The following MS4A18 variants were observed in gnomAD, a reference collection of about 807,000 sequenced individuals.
The protein encoded by MS4A18 is membrane spanning 4-domains A18, also known as membrane-spanning 4-domains subfamily A member 18.
Under a neutral mutation model 13.1 loss-of-function variants are expected in MS4A18, and 27 were observed. That is an observed-to-expected ratio of 2.06 (90% CI 1.52 to 2.84). The LOEUF is 2.84. MS4A18 is among the 30% of genes most tolerant of loss of function. MS4A18 has a pLI of 0.00. For missense variants in MS4A18, 307 were observed against 196.4 expected (o/e 1.56, Z -3.37); for synonymous variants, 126 against 76.5 (o/e 1.65, Z -3.38).
At chr11:60,727,617 G>A (rs548799234), upstream of MS4A18, among the ~76,000 whole-genome samples, 4 of 152,286 alleles carry the variant, frequency 2.6e-5, no homozygotes, top group East Asian at 1.9e-4. Flanking sequence ...AGGACAGAAA[G>A]CCTCCTGAGA....
intron 5 of MS4A18, 41 bp from the exon 7 acceptor site, chr11:60,743,609 C>A: frequency 1.4e-6 from 1 of 690,648 alleles, no homozygotes; most frequent in Non-Finnish European, 2.6e-6. Context: ...TTGTTGTTTA[C>A]TACAGAGGAA....
chr11:60,743,596 T>C, intron 5 of MS4A18, 54 bp from the exon 7 acceptor site: 1 of 676,692 alleles, frequency 1.5e-6, no homozygotes, highest in Non-Finnish European at 2.7e-6. Context: ...ATTATGGCCA[T>C]TGTTGTTGTT....
chr11:60,741,182 C>G (rs1186201963), intron 5 of MS4A18, 39 bp downstream of exon 6: 3 of 702,944 alleles, frequency 4.3e-6, no homozygotes, highest in East Asian at 5.4e-5. Context: ...AGATCATGCT[C>G]TGGAGTTGGG....
Position 60,732,730 on chromosome 11 carries a change from CAAAAAAAAAAA to C in MS4A18, c.478-792_478-782del, listed in dbSNP as rs200295786. Among the ~76,000 whole-genome samples the C allele has an allele frequency of 3.9e-3, 275 of 71,012 alleles. 1 individual carries two copies. The highest frequency in any genetic ancestry group is 0.012 in the African/African-American group (267 of 22,012). The allele number at this position is 71,012 out of a possible 152,430, so 46.6% of individuals were successfully genotyped here. On this transcript the variant is annotated intron_variant, in intron 1 of 5. Transcript: ENST00000529108. ...TGGGCGACAGGGCAAGACTCCGTCT[CAAAAAAAAAAA>C]AAAAAAAAAAAGAAACACCTACTGC...
chr11:60,743,943 C>T (rs927604044), exon 6 of MS4A18: 10 of 702,970 alleles, frequency 1.4e-5, no homozygotes, highest in Non-Finnish European at 2.6e-5. Context: ...CCAGTTGTGT[C>T]AATGCTATCC....
At chr11:60,741,240 G>A in intron 5 of MS4A18, 97 bp downstream of exon 6, 2 of 695,958 alleles carry the variant, frequency 2.9e-6, no homozygotes, top group Admixed American at 4.0e-5. Context: ...AATGAGGCCT[G>A]AGAGAGGGTG....
At chr11:60,735,185 T>C (rs760451189) in intron 2 of MS4A18, among the ~76,000 whole-genome samples, 136 of 152,306 alleles carry the variant, frequency 8.9e-4, no homozygotes, top group Non-Finnish European at 1.5e-3. Context: ...AAATAGTAAA[T>C]TAAATTAAAG....
rs768562339 is a variant in MS4A18 at position 60,743,838 on chromosome 11, C to G, written c.1047C>G (p.Val349=). The G allele has an allele frequency of 6.1e-4, 426 of 703,182 alleles. 2 individuals are homozygous for G. Among genetic ancestry groups the G allele is most frequent in the Non-Finnish European group, 6.9e-4 (264 of 385,010 alleles). 43.6% of individuals were successfully genotyped at this position (703,182 alleles called of 1,614,324 possible). A position where few individuals can be genotyped will look rare whatever the true frequency, so the allele number is the denominator to read the frequency against. ...CTGTCAACACCACCACCAGCCCTGT[C>G]AATGTTACCACTGGTCCTGTCAATG... Residue 349 remains valine, a synonymous_variant, in exon 6 of 6, where the codon GTC becomes GTG. Transcript: ENST00000529108.
At chr11:60,733,419 C>G in intron 1 of MS4A18, 115 bp from the exon 3 acceptor site, 1 of 670,216 alleles carries the variant, frequency 1.5e-6, no homozygotes, top group Non-Finnish European at 2.7e-6. Context: ...GGGATGAGCC[C>G]CCAACACCAA....
At chr11:60,728,446 C>T (rs951051670), upstream of MS4A18, among the ~76,000 whole-genome samples, 1 of 148,434 alleles carries the variant, frequency 6.7e-6, no homozygotes, top group African/African-American at 2.5e-5. Flanking sequence ...GTGTGTGTGT[C>T]TGTGTGTCTG....
At chr11:60,728,402 GTA>G (rs753826136), upstream of MS4A18, among the ~76,000 whole-genome samples, 411 of 145,626 alleles carry the variant, frequency 2.8e-3, 2 homozygotes, top group Admixed American at 9.3e-3. Context: ...ATGTGTGTAT[GTA>G]TGTGTGTGTG....
chr11:60,735,253 C>G (rs137942316), intron 2 of MS4A18, among the ~76,000 whole-genome samples: 2 of 152,158 alleles, frequency 1.3e-5, no homozygotes, highest in African/African-American at 2.4e-5. Context: ...AAGCATCACA[C>G]GTGGTTTTTA....
Position 60,734,350 on chromosome 11 carries a change from C to T in MS4A18, c.591+703C>T, listed in dbSNP as rs752770463. 7.2e-5 allele frequency among the ~76,000 whole-genome samples: 11 copies of T among 152,208 alleles called. No homozygotes were observed. In the East Asian group the frequency reaches 1.5e-3, roughly 21 times the overall value. On this transcript the variant is annotated intron_variant, in intron 2 of 5. Transcript: ENST00000529108. ...TACCTACCATACCAGTTATGGGAGC[C>T]GACTGCAAAATTTCCAGGAATTATG...
intron 4 of MS4A18, 84 bp downstream of exon 5, chr11:60,739,081 GCCCCAGAATT>G: frequency 1.5e-6 from 1 of 672,882 alleles, no homozygotes; most frequent in South Asian, 1.6e-5. Flanking sequence ...GAATGGAATT[GCCCCAGAATT>G]CCATCCTAGT....
At chr11:60,733,174 G>A (rs1254862081) in intron 1 of MS4A18, among the ~76,000 whole-genome samples, 1 of 152,264 alleles carries the variant, frequency 6.6e-6, no homozygotes, top group African/African-American at 2.4e-5. Context: ...GGCCAGTGCT[G>A]CAGCCAGGAC....
At chr11:60,740,806 C>T (rs1590965534) in intron 4 of MS4A18, among the ~76,000 whole-genome samples, 1 of 152,178 alleles carries the variant, frequency 6.6e-6, no homozygotes, top group Non-Finnish European at 1.5e-5. Flanking sequence ...AGAGAGAGCC[C>T]TGAGGCAAAG....
chr11:60,726,426 A>C (rs993070871), upstream of MS4A18, among the ~76,000 whole-genome samples: 1 of 152,206 alleles, frequency 6.6e-6, no homozygotes, highest in Non-Finnish European at 1.5e-5. Flanking sequence ...ACAAAGGAGA[A>C]GTGTAGGGCA....
chr11:60,744,220 G>T, downstream of MS4A18: 1 of 526,684 alleles, frequency 1.9e-6, no homozygotes, highest in Admixed American at 3.4e-5. Flanking sequence ...TTGGCTCTCA[G>T]TATCTTTTAA....
chr11:60,736,783 C>A (rs1853346055), intron 2 of MS4A18, among the ~76,000 whole-genome samples, 195 bp from the exon 4 acceptor site: 1 of 152,124 alleles, frequency 6.6e-6, no homozygotes, highest in Non-Finnish European at 1.5e-5. Flanking sequence ...GTTTGAGTAT[C>A]ACGGTATTTA....
Sources: gnomAD v4.1 joint callset for allele counts (sites outside exome capture counted in the v4.1 genomes callset) on GRCh38, gnomAD v4.1.1 for gene constraint, MANE v1.5 for transcripts, NCBI Gene and HGNC (gene_info 2026-07-23, HGNC 2026-07-21) for gene names.